ZBTB7C: variants seen among roughly 807,000 people sequenced by gnomAD.
The protein encoded by ZBTB7C is zinc finger and BTB domain containing 7C.
In ZBTB7C, 8 loss-of-function variants were observed where a neutral mutation model predicts 25.7. The observed-to-expected ratio is 0.31, with a 90% CI of 0.18 to 0.56. The LOEUF (loss-of-function observed/expected upper bound fraction) is 0.56. Ranked by LOEUF, ZBTB7C falls within the 20% of genes least tolerant of loss-of-function variation. The probability of loss-of-function intolerance (pLI) is 0.91; values close to 1 mark genes in which losing one functional copy is unlikely to be tolerated. For missense variants in ZBTB7C, 824 were observed against 855.2 expected (o/e 0.96, Z 0.46); for synonymous variants, 394 against 369.0 (o/e 1.07, Z -0.78).
intron 3 of ZBTB7C, among the ~76,000 whole-genome samples, chr18:48,178,058 C>T (rs1303581628): frequency 6.6e-6 from 1 of 152,096 alleles, no homozygotes. Context: ...CCCTTTAGTG[C>T]CCCTGGGTGT....
At chr18:48,259,651 A>C (rs1428437426) in intron 2 of ZBTB7C, among the ~76,000 whole-genome samples, 1 of 152,164 alleles carries the variant, frequency 6.6e-6, no homozygotes, top group African/African-American at 2.4e-5. Flanking sequence ...GGAGTATATA[A>C]CTCCCAAAGC....
At chr18:48,159,182 C>T (rs937282245) in intron 3 of ZBTB7C, among the ~76,000 whole-genome samples, 6 of 152,030 alleles carry the variant, frequency 3.9e-5, no homozygotes, top group African/African-American at 1.4e-4. Flanking sequence ...TTATTTTTTC[C>T]TTTTCTATTC....
At chr18:48,203,620 C>G (rs1035637192) in intron 2 of ZBTB7C, 5 of 152,230 alleles carry the variant, frequency 3.3e-5, no homozygotes, top group Non-Finnish European at 1.5e-5. Context: ...AGGGCTAAAT[C>G]TTTTGGTGTC....
intron 3 of ZBTB7C, among the ~76,000 whole-genome samples, chr18:48,123,084 G>T (rs2039685196): frequency 6.6e-6 from 1 of 152,158 alleles, no homozygotes; most frequent in African/African-American, 2.4e-5. Context: ...GGGTACCTGG[G>T]TGAGCTGCCC....
At position 48,322,664 on chromosome 18, in the gene ZBTB7C, C is replaced by G. The variant is rs1179044284; in HGVS notation, c.-79+15510G>C. 2.6e-5 allele frequency among the ~76,000 whole-genome samples: 4 copies of G among 152,206 alleles called. No homozygotes were observed. In the South Asian group the frequency reaches 8.3e-4, roughly 32 times the overall value. On this transcript the variant is annotated intron_variant, in intron 2 of 4. Transcript: ENST00000590800. ...ATTCCTTAAAGAACTAACAATAGATCTACCATTTGATCCAGCAATTCCACT... is the reference window on the plus strand; with the variant it reads ...ATTCCTTAAAGAACTAACAATAGATGTACCATTTGATCCAGCAATTCCACT...
At chr18:48,180,088 C>CCTTCCTTCCTTT (rs2041863744) in intron 3 of ZBTB7C, among the ~76,000 whole-genome samples, 1 of 77,108 alleles carries the variant, frequency 1.3e-5, no homozygotes, top group Non-Finnish European at 2.6e-5. Context: ...AAGATATTTC[C>CCTTCCTTCCTTT]CCTTCCTTCC....
At chr18:48,157,298 A>G (rs1263243154) in intron 3 of ZBTB7C, among the ~76,000 whole-genome samples, 1 of 152,236 alleles carries the variant, frequency 6.6e-6, no homozygotes, top group Non-Finnish European at 1.5e-5. Context: ...CTTGGGGTTG[A>G]ACATGAGAAG....
chr18:48,329,351 T>C (rs1156929538), intron 2 of ZBTB7C, among the ~76,000 whole-genome samples: 1 of 152,188 alleles, frequency 6.6e-6, no homozygotes, highest in Non-Finnish European at 1.5e-5. Flanking sequence ...ACCTCCATTT[T>C]TGTGTCTGCA....
intron 3 of ZBTB7C, chr18:48,148,934 A>C (rs2040581426): frequency 6.6e-6 from 1 of 152,246 alleles, no homozygotes; most frequent in Non-Finnish European, 1.5e-5. Flanking sequence ...TTTCAGCAGA[A>C]AACTATAGCA....
At chr18:48,119,994 G>A (rs1403858821) in intron 3 of ZBTB7C, among the ~76,000 whole-genome samples, 2 of 152,106 alleles carry the variant, frequency 1.3e-5, no homozygotes, top group Middle Eastern at 3.2e-3. Context: ...TTCTCGAACC[G>A]TCATGTGCAC....
At chr18:48,273,269 A>C (rs1460355318) in intron 2 of ZBTB7C, among the ~76,000 whole-genome samples, 3 of 152,208 alleles carry the variant, frequency 2.0e-5, no homozygotes, top group Admixed American at 1.3e-4. Context: ...TTTTGAAAAA[A>C]AATGCTGGAG....
chr18:48,144,435 C>T (rs1469514561), intron 3 of ZBTB7C, among the ~76,000 whole-genome samples: 1 of 152,052 alleles, frequency 6.6e-6, no homozygotes, highest in Non-Finnish European at 1.5e-5. Flanking sequence ...CCTCAACCTC[C>T]CAGACTCAAG....
chr18:48,089,792 TAAACAAAC>T (rs56268317), intron 3 of ZBTB7C, among the ~76,000 whole-genome samples: 2 of 147,548 alleles, frequency 1.4e-5, no homozygotes, highest in Middle Eastern at 3.4e-3. Flanking sequence ...ATAGAAAGCC[TAAACAAAC>T]AAACAAACAA....
At chr18:48,060,229 G>C (rs1403234604) in intron 3 of ZBTB7C, among the ~76,000 whole-genome samples, 4 of 152,144 alleles carry the variant, frequency 2.6e-5, no homozygotes, top group African/African-American at 9.7e-5. Context: ...TGTGCCAGCA[G>C]GGGAAGCAGA....
chr18:48,117,606 AG>A (rs1241854079), intron 3 of ZBTB7C, among the ~76,000 whole-genome samples: 2 of 152,212 alleles, frequency 1.3e-5, no homozygotes, highest in Non-Finnish European at 2.9e-5. Flanking sequence ...GGGTTCAGTA[AG>A]TTAACACTAG....
At chr18:48,392,181 T>A (rs1338310857) in intron 1 of ZBTB7C, among the ~76,000 whole-genome samples, 1 of 152,222 alleles carries the variant, frequency 6.6e-6, no homozygotes, top group East Asian at 1.9e-4. Flanking sequence ...AGGGCAAGAC[T>A]GGTCCCCTTT....
chr18:48,213,998 T>G (rs924787209), intron 2 of ZBTB7C, among the ~76,000 whole-genome samples: 4 of 152,190 alleles, frequency 2.6e-5, no homozygotes, highest in South Asian at 2.1e-4. Flanking sequence ...TCAGCCTGCC[T>G]TGCGGTGAGA....
intron 3 of ZBTB7C, among the ~76,000 whole-genome samples, chr18:48,151,391 G>C (rs1321508564): frequency 1.3e-5 from 2 of 152,150 alleles, no homozygotes; most frequent in Non-Finnish European, 2.9e-5. Flanking sequence ...TTCTTAGAAG[G>C]ATGAAAGGGG....
chr18:48,151,042 G>A (rs1011845856), intron 3 of ZBTB7C, among the ~76,000 whole-genome samples: 3 of 152,204 alleles, frequency 2.0e-5, no homozygotes, highest in Admixed American at 1.3e-4. Flanking sequence ...AAGGATGCAT[G>A]CTGCCGATAT....
Sources: allele counts gnomAD v4.1 joint callset (sites outside exome capture counted in the v4.1 genomes callset), GRCh38; gene constraint gnomAD v4.1.1; transcripts MANE v1.5; gene names NCBI Gene and HGNC (gene_info 2026-07-23, HGNC 2026-07-21).